The following TMF1 variants were observed in gnomAD, a reference collection of about 807,000 sequenced individuals.
TMF1 encodes TATA element modulatory factor.
A neutral mutation model predicts 126.5 loss-of-function variants in TMF1; 71 were observed. The ratio of observed to expected loss-of-function variants is 0.56; its 90% CI spans 0.46 to 0.68. The LOEUF is 0.68. TMF1 is among the 30% of genes least tolerant of loss of function. The pLI, the probability that TMF1 is intolerant of heterozygous loss-of-function variation, is 0.00. For synonymous variants in TMF1, 461 were observed against 430.5 expected, an observed-to-expected ratio of 1.07 and a Z score of -0.88; for missense variants, 1,259 against 1,253.2, an observed-to-expected ratio of 1.00 and a Z score of -0.07.
chr3:69,045,070 T>A (rs1361099822), intron 2 of TMF1, among the ~76,000 whole-genome samples: 1 of 152,218 alleles, frequency 6.6e-6, no homozygotes, highest in Non-Finnish European at 1.5e-5. Context: ...GCCTCTATAT[T>A]TTAGCTAGGT....
In TMF1 at chr3:69,022,770, G is replaced by C. The variant is rs374384387; in HGVS notation, c.*407C>G. ...AAATGTGAAAGATTTCAAAGTTTCA[G>C]TATGTTAACATTACTCTTCAAATGT... On this transcript the variant is annotated 3_prime_UTR_variant, in exon 17 of 17. Coordinates refer to ENST00000398559, the MANE Select transcript of TMF1 (RefSeq NM_007114.3). The C allele has an allele frequency of 6.6e-6, 1 of 152,620 alleles. No individual in the cohort carries two copies. Among genetic ancestry groups the C allele is most frequent in the East Asian group, 1.9e-4 (1 of 5,176 alleles). 9.5% of individuals were successfully genotyped at this position (152,620 alleles called of 1,614,324 possible).
rs1438887616 is a variant in TMF1, at chr3:69,023,903, A to G, written c.3138+152T>C. The G allele has an allele frequency of 6.3e-5, 42 of 664,772 alleles. No homozygotes were observed. The East Asian group carries it at 6.6e-4, about 10-fold the overall frequency. 41.2% of individuals were successfully genotyped at this position (664,772 alleles called of 1,614,324 possible). ...TTGAATATGTAAAGATACAAGCAAGATAAAAGATTCATTTTTAAACTTCTT... is the reference window on the plus strand; with the variant it reads ...TTGAATATGTAAAGATACAAGCAAGGTAAAAGATTCATTTTTAAACTTCTT... On this transcript the variant is annotated intron_variant, in intron 16 of 16. Transcript: ENST00000398559.
chr3:69,047,701 T>C lies in TMF1; in HGVS notation c.1004A>G (p.Asp335Gly). ...RIDSFSVQSL[D>G]SRSVSEINSD... The stretch of plus-strand genomic sequence containing the variant: ...ATTGATTTCACTTACACTCCGGCTA[T>C]CTAATGACTGTACACTAAATGAGTC... Residue 335 changes from aspartate to glycine, a missense_variant, in exon 2 of 17, where the codon GAT (aspartate) becomes GGT (glycine). Transcript: ENST00000398559. 1 of 1,614,168 alleles carries C rather than the reference T, an allele frequency of 6.2e-7. No homozygotes were observed. Among genetic ancestry groups the C allele is most frequent in the Middle Eastern group, 1.6e-4 (1 of 6,062 alleles).
chr3:69,039,079 G>C, intron 6 of TMF1, 70 bp from the exon 7 acceptor site: 1 of 1,180,830 alleles, frequency 8.5e-7, no homozygotes, highest in Non-Finnish European at 1.2e-6. Flanking sequence ...TGTATTCCAG[G>C]AATCTATAAT....
chr3:69,039,769 G>A, intron 5 of TMF1, 76 bp from the exon 6 acceptor site: 1 of 1,465,622 alleles, frequency 6.8e-7, no homozygotes, highest in Non-Finnish European at 9.2e-7. Flanking sequence ...TTATCTAATA[G>A]TAACATAAAA....
At position 69,047,617 on chromosome 3, in the gene TMF1, G is replaced by A. The variant is rs2091902775; in HGVS notation, c.1088C>T (p.Ser363Leu). ...YALVPIIVNS[S>L]TPKSKTVESA... ...TTCAACTGTTTTAGACTTTGGAGTT[G>A]AAGAATTAACTATAATAGGCACTAA... Residue 363 changes from serine to leucine, a missense_variant, in exon 2 of 17, where the codon TCA (serine) becomes TTA (leucine). Physicochemically the swap from Ser to Leu is moderately radical, Grantham distance 145. Transcript: ENST00000398559. 1 of 1,613,958 alleles carries A rather than the reference G, an allele frequency of 6.2e-7. No homozygotes were observed. Among genetic ancestry groups the A allele is most frequent in the African/African-American group, 1.3e-5 (1 of 74,920 alleles).
chr3:69,039,078 G>T, intron 6 of TMF1, 69 bp from the exon 7 acceptor site: 4 of 1,188,848 alleles, frequency 3.4e-6, no homozygotes, highest in Non-Finnish European at 4.6e-6. Context: ...CTGTATTCCA[G>T]GAATCTATAA....
chr3:69,032,307 A>G (rs1441630964), intron 10 of TMF1, among the ~76,000 whole-genome samples: 4 of 152,184 alleles, frequency 2.6e-5, no homozygotes, highest in East Asian at 1.9e-4. Flanking sequence ...TTGGAACAAT[A>G]TAAGTGACTT....
rs2091772641 is a variant in TMF1, at chr3:69,027,099, A to G, written c.2757+801T>C. Among the ~76,000 whole-genome samples, 3 of 152,038 alleles carry G rather than the reference A, an allele frequency of 2.0e-5. No homozygotes were observed. The South Asian group carries it at 6.2e-4, about 32-fold the overall frequency. On this transcript the variant is annotated intron_variant, in intron 13 of 16. Transcript: ENST00000398559. ...CAGCCTCCGCCTCCCGGGTTCAAGC[A>G]ATTCTCCCACCTCTGCCTCCCGAGT...
chr3:69,042,815 A>G lies in TMF1; in HGVS notation c.1676T>C (p.Met559Thr). Residue 559 changes from methionine (M) to threonine (T), a missense_variant, in exon 5 of 17, where the codon ATG (methionine) becomes ACG (threonine). Coordinates refer to ENST00000398559, the MANE Select transcript of TMF1 (RefSeq NM_007114.3). ...KEKDEQIRGL[M>T]EEGEKLSKQQ... The stretch of plus-strand genomic sequence containing the variant: ...CCAAATACTATACGCACCTTCTTCC[A>G]TTAACCCTCGGATCTGCTCATCTTT... The G allele has an allele frequency of 6.2e-7, 1 of 1,613,290 alleles. No individual in the cohort carries two copies. The highest frequency in any genetic ancestry group is 8.5e-7 in the Non-Finnish European group (1 of 1,179,546).
chr3:69,052,128 G>A lies in TMF1; in HGVS notation c.-42C>T. ...GCAGTGGCGGCGGCAGCACCAAGCGGGAAGGCCTCAGGCCTGGGGAAGGGT... is the reference window on the plus strand; with the variant it reads ...GCAGTGGCGGCGGCAGCACCAAGCGAGAAGGCCTCAGGCCTGGGGAAGGGT... On this transcript the variant is annotated 5_prime_UTR_variant, in exon 1 of 17. Coordinates refer to ENST00000398559, the MANE Select transcript of TMF1 (RefSeq NM_007114.3). The A allele has an allele frequency of 6.3e-7, 1 of 1,587,260 alleles. No individual in the cohort carries two copies. Among genetic ancestry groups the A allele is most frequent in the East Asian group, 2.3e-5 (1 of 44,176 alleles).
intron 5 of TMF1, among the ~76,000 whole-genome samples, chr3:69,042,045 T>A (rs1168529752): frequency 6.6e-6 from 1 of 152,132 alleles, no homozygotes; most frequent in Non-Finnish European, 1.5e-5. Context: ...TTTTATTTAT[T>A]TATTTTTTTG....
At chr3:69,033,465 A>G (rs542081071) in intron 10 of TMF1, 83 bp downstream of exon 10, 1 of 1,435,074 alleles carries the variant, frequency 7.0e-7, no homozygotes, top group South Asian at 1.4e-5. Context: ...AGATCAAATG[A>G]ATTTCAATTT....
chr3:69,044,636 T>TA (rs773733808), intron 2 of TMF1, 41 bp from the exon 3 acceptor site: 14 of 1,339,280 alleles, frequency 1.0e-5, no homozygotes, highest in South Asian at 5.1e-5. Context: ...CGCTTAGCTT[T>TA]AAAAAAGACC....
At position 69,043,764 on chromosome 3, in the gene TMF1, C is replaced by T; in HGVS notation, c.1564G>A (p.Asp522Asn). The T allele has an allele frequency of 6.2e-7, 1 of 1,607,420 alleles. No homozygotes were observed. The highest frequency in any genetic ancestry group is 8.5e-7 in the Non-Finnish European group (1 of 1,177,274). ...KKVQLACKER[D>N]AAKKEIKNIK... The stretch of plus-strand genomic sequence containing the variant: ...ATTTCAATTACCTTTTTAGCAGCAT[C>T]TCTCTCTTTGCAGGCTAGTTGAACT... Residue 522 changes from aspartate to asparagine, a missense_variant, in exon 4 of 17, where the codon GAT (aspartate) becomes AAT (asparagine). By Grantham distance (23) the Asp-to-Asn change is conservative. Transcript: ENST00000398559.
At position 69,038,896 on chromosome 3, in the gene TMF1, A is replaced by G. The variant is rs1484221344; in HGVS notation, c.1941T>C (p.Asp647=). 1.9e-6 allele frequency: 3 copies of G among 1,611,996 alleles called. No individual in the cohort carries two copies. In the East Asian group the frequency reaches 6.7e-5, roughly 36 times the overall value. ...KDLGRLQVDM[D]ELEEKNRSIQ... The stretch of plus-strand genomic sequence containing the variant: ...TACTTCGGTTCTTTTCTTCAAGTTC[A>G]TCCATGTCTACCTGAAGACGGCCAA... The change falls in exon 7 of 17, where the codon GAT becomes GAC. Residue 647 remains aspartate, a synonymous_variant. Coordinates refer to ENST00000398559, the MANE Select transcript of TMF1 (RefSeq NM_007114.3).
intron 16 of TMF1, 113 bp downstream of exon 16, chr3:69,023,942 G>A (rs1461686672): frequency 2.0e-6 from 2 of 987,170 alleles, no homozygotes; most frequent in Non-Finnish European, 2.8e-6. Context: ...TCAAATATTA[G>A]TACTCTTTAA....
intron 6 of TMF1, among the ~76,000 whole-genome samples, chr3:69,039,294 G>A (rs530063582): frequency 6.6e-6 from 1 of 152,242 alleles, no homozygotes; most frequent in South Asian, 2.1e-4. Flanking sequence ...CAGAGACAGG[G>A]TTTCGCCTTG....
intron 1 of TMF1, among the ~76,000 whole-genome samples, chr3:69,050,706 A>G (rs1421345278): frequency 6.6e-6 from 1 of 152,254 alleles, no homozygotes; most frequent in Non-Finnish European, 1.5e-5. Context: ...TAAAAAGTAA[A>G]GAGGATCATC....
Sources: allele counts gnomAD v4.1 joint callset (sites outside exome capture counted in the v4.1 genomes callset), GRCh38; gene constraint gnomAD v4.1.1; transcripts MANE v1.5; gene names NCBI Gene and HGNC (gene_info 2026-07-23, HGNC 2026-07-21).